Variants in ARHGEF17 observed in about 807,000 individuals in gnomAD.
ARHGEF17 encodes the protein Rho guanine nucleotide exchange factor 17.
A neutral mutation model predicts 174.0 loss-of-function variants in ARHGEF17; 80 were observed. That is an observed-to-expected ratio of 0.46 (90% CI 0.38 to 0.55). ARHGEF17 has a LOEUF of 0.55. Among genes scored for constraint, ARHGEF17 ranks in the 20% least tolerant of loss-of-function variants. The pLI is 0.00. For missense variants in ARHGEF17, 2,886 were observed against 2,839.7 expected, an observed-to-expected ratio of 1.02 and a Z score of -0.37; for synonymous variants, 1,311 against 1,189.1, an observed-to-expected ratio of 1.10 and a Z score of -2.11.
intron 1 of ARHGEF17, among the ~76,000 whole-genome samples, chr11:73,346,125 A>G (rs1565201203): frequency 6.6e-6 from 1 of 152,128 alleles, no homozygotes; most frequent in African/African-American, 2.4e-5. Flanking sequence ...TCAGGTCATC[A>G]GATCCATAGG....
In ARHGEF17 at chr11:73,308,605, CG is replaced by C. The variant is rs1326583628; in HGVS notation, c.-33del. On this transcript the variant is annotated 5_prime_UTR_variant, in exon 1 of 21. Transcript: ENST00000263674. ...GCAGGGGGGGTTGGCCGCGGCTGCC[CG>C]AGGCCAGCCCCCCCGGAGTGAGTTA... 4.3e-6 allele frequency: 6 copies of C among 1,411,128 alleles called. No homozygotes were observed. The highest frequency in any genetic ancestry group is 4.6e-6 in the Non-Finnish European group (5 of 1,087,472). 87.4% of individuals were successfully genotyped at this position (1,411,128 alleles called of 1,614,324 possible).
At chr11:73,324,163 A>C (rs905840678) in intron 1 of ARHGEF17, among the ~76,000 whole-genome samples, 3 of 152,272 alleles carry the variant, frequency 2.0e-5, no homozygotes, top group Non-Finnish European at 4.4e-5. Context: ...CAGGATACAC[A>C]GTGATTGCAG....
At position 73,361,067 on chromosome 11, in the gene ARHGEF17, G is replaced by C. The variant is rs923978540; in HGVS notation, c.4421-21G>C. ...ATGCTATGCTAAGCAGGGTCCGTCT[G>C]TCTGTCCATCTCCACTACAGCATCC... On this transcript the variant is annotated intron_variant, in intron 11 of 20. Transcript: ENST00000263674. 2.1e-5 allele frequency: 33 copies of C among 1,604,994 alleles called. No homozygotes were observed. In the Admixed American group the frequency reaches 2.2e-4, roughly 11 times the overall value.
chr11:73,358,799 A>G (rs1421828092), intron 9 of ARHGEF17, among the ~76,000 whole-genome samples: 1 of 152,010 alleles, frequency 6.6e-6, no homozygotes, highest in Admixed American at 6.6e-5. Flanking sequence ...TCAGGATTCG[A>G]TTTCAACCTG....
chr11:73,318,054 T>G (rs1223619775), intron 1 of ARHGEF17, among the ~76,000 whole-genome samples: 1 of 151,788 alleles, frequency 6.6e-6, no homozygotes, highest in Non-Finnish European at 1.5e-5. Context: ...AGGATAAACC[T>G]CCTCCCAGGG....
At chr11:73,356,126 G>A in intron 5 of ARHGEF17, 49 bp from the exon 6 acceptor site, 1 of 1,605,062 alleles carries the variant, frequency 6.2e-7, no homozygotes, top group Non-Finnish European at 8.5e-7. Flanking sequence ...GCAGTCTGGG[G>A]CCCCAGGGGT....
At chr11:73,331,140 A>G (rs1021717808) in intron 1 of ARHGEF17, among the ~76,000 whole-genome samples, 1 of 152,154 alleles carries the variant, frequency 6.6e-6, no homozygotes, top group Non-Finnish European at 1.5e-5. Context: ...CATCCCCCAG[A>G]ACCTAGTCCT....
Position 73,346,869 on chromosome 11 carries a change from T to C in ARHGEF17, c.3193-14T>C. ...AAAAAGACCCCTGTTCACCCTCTGC[T>C]CCTGTCCCCACAGGACATGCGGAAG... On this transcript the variant is annotated splice_polypyrimidine_tract_variant and intron_variant, in intron 1 of 20. Coordinates refer to ENST00000263674, the MANE Select transcript of ARHGEF17 (RefSeq NM_014786.4). The C allele has an allele frequency of 6.8e-7, 1 of 1,469,516 alleles. No individual in the cohort carries two copies. Among genetic ancestry groups the C allele is most frequent in the Non-Finnish European group, 9.0e-7 (1 of 1,106,498 alleles). 91.0% of individuals were successfully genotyped at this position (1,469,516 alleles called of 1,614,324 possible). A position where few individuals can be genotyped will look rare whatever the true frequency, so the allele number is the denominator to read the frequency against.
At chr11:73,341,935 GC>G (rs921495829) in intron 1 of ARHGEF17, among the ~76,000 whole-genome samples, 2 of 152,154 alleles carry the variant, frequency 1.3e-5, no homozygotes, top group African/African-American at 4.8e-5. Flanking sequence ...GTGCTTCAGA[GC>G]CCCCCCATCT....
intron 1 of ARHGEF17, 121 bp from the exon 2 acceptor site, chr11:73,346,762 A>C (rs1865467672): frequency 2.7e-6 from 2 of 732,886 alleles, no homozygotes; most frequent in South Asian, 5.4e-5. Flanking sequence ...GGGCGGCAGG[A>C]GGGAAGGGCC....
chr11:73,356,374 C>A (rs1431770899), intron 6 of ARHGEF17, 23 bp downstream of exon 6: 1 of 1,559,746 alleles, frequency 6.4e-7, no homozygotes, highest in Non-Finnish European at 8.6e-7. Flanking sequence ...TGCCCCACCC[C>A]ACCCTACCCC....
chr11:73,311,410 G>A lies in ARHGEF17; in HGVS notation c.2772G>A (p.Lys924=). The A allele has an allele frequency of 6.2e-7, 1 of 1,613,336 alleles. No homozygotes were observed. Among genetic ancestry groups the A allele is most frequent in the Non-Finnish European group, 8.5e-7 (1 of 1,180,042 alleles). The change falls in exon 1 of 21, where the codon AAG becomes AAA. Residue 924 remains lysine (K), a synonymous_variant. Transcript: ENST00000263674. ...GGCTAATCCGCCGAGGCTCCAAGAA[G>A]CGCCCAGCTCGGAGTAGTCACCAGG... is the stretch of plus-strand genomic sequence containing the variant. ...SPRLIRRGSK[K]RPARSSHQEL...
rs1484474924 is a variant in ARHGEF17, at chr11:73,329,354, TATATATATATATA to T, written c.3192+17525_3193-17516del. On this transcript the variant is annotated intron_variant, in intron 1 of 20. Coordinates refer to ENST00000263674, the MANE Select transcript of ARHGEF17 (RefSeq NM_014786.4). The stretch of plus-strand genomic sequence containing the variant: ...ATATATATATATATATATATATATA[TATATATATATATA>T]TATATATTTTTTTTTTTTTTTTGTA... 9.2e-4 allele frequency among the ~76,000 whole-genome samples: 38 copies of T among 41,336 alleles called. 4 individuals are homozygous for T. Among genetic ancestry groups the T allele is most frequent in the Non-Finnish European group, 1.3e-3 (31 of 24,444 alleles). 27.1% of individuals were successfully genotyped at this position (41,336 alleles called of 152,430 possible).
chr11:73,308,746 C>A lies in ARHGEF17; in HGVS notation c.108C>A (p.Pro36=). The change falls in exon 1 of 21, where the codon CCC becomes CCA. Residue 36 remains proline, a synonymous_variant. Transcript: ENST00000263674. ...PGLREEDTDT[P]GLRRRASCRP... is the part of the protein sequence containing the mutation. ...TGAGGGAGGAGGACACGGACACCCC[C>A]GGCTTGAGGCGACGCGCCTCGTGCC... 4 of 1,481,276 alleles carry A rather than the reference C, an allele frequency of 2.7e-6. No individual in the cohort carries two copies. The highest frequency in any genetic ancestry group is 1.3e-5 in the South Asian group (1 of 77,444). 91.8% of individuals were successfully genotyped at this position (1,481,276 alleles called of 1,614,324 possible).
rs573620138 is a variant in ARHGEF17, at chr11:73,359,609, C to T, written c.4088-225C>T. Among the ~76,000 whole-genome samples, 63 of 152,362 alleles carry T rather than the reference C, an allele frequency of 4.1e-4. 1 individual carries two copies. Among genetic ancestry groups the T allele is most frequent in the African/African-American group, 1.4e-3 (58 of 41,586 alleles). On this transcript the variant is annotated intron_variant, in intron 9 of 20. Coordinates refer to ENST00000263674, the MANE Select transcript of ARHGEF17 (RefSeq NM_014786.4). ...AATTCTCCGTGGGCCTGACATCCTGCGCCACATGGCTCTGAATCAGGCCTA... is the reference window on the plus strand; with the variant it reads ...AATTCTCCGTGGGCCTGACATCCTGTGCCACATGGCTCTGAATCAGGCCTA...
At position 73,363,378 on chromosome 11, in the gene ARHGEF17, G is replaced by A. The variant is rs766535996; in HGVS notation, c.5169G>A (p.Arg1723=). The A allele has an allele frequency of 6.2e-7, 1 of 1,613,154 alleles. No individual in the cohort carries two copies. Among genetic ancestry groups the A allele is most frequent in the South Asian group, 1.1e-5 (1 of 91,018 alleles). The change falls in exon 15 of 21, where the codon CGG becomes CGA. Residue 1723 remains arginine (R), a synonymous_variant. Coordinates refer to ENST00000263674, the MANE Select transcript of ARHGEF17 (RefSeq NM_014786.4). ...GCTCCAGCCACGGCTCCTTCACCCGGGGCAGCCTTGAGGACCTGCTGAGTG... is the reference window on the plus strand; with the variant it reads ...GCTCCAGCCACGGCTCCTTCACCCGAGGCAGCCTTGAGGACCTGCTGAGTG... ...LRRSSHGSFT[R]GSLEDLLSVD...
intron 20 of ARHGEF17, among the ~76,000 whole-genome samples, chr11:73,367,260 C>G (rs936543325): frequency 3.3e-5 from 5 of 152,074 alleles, no homozygotes; most frequent in Non-Finnish European, 7.4e-5. Context: ...AATGCAAGGA[C>G]GTTGCGTGCA....
At chr11:73,361,959 C>A in intron 12 of ARHGEF17, 81 bp from the exon 13 acceptor site, 1 of 1,526,062 alleles carries the variant, frequency 6.6e-7, no homozygotes, top group Non-Finnish European at 8.9e-7. Context: ...TCCCTCCATT[C>A]TGCCGGGGTT....
In ARHGEF17 at chr11:73,362,584, G is replaced by A. The variant is rs761435260; in HGVS notation, c.4846G>A (p.Gly1616Ser). 3 of 1,610,440 alleles carry A rather than the reference G, an allele frequency of 1.9e-6. No homozygotes were observed. The Admixed American group carries it at 5.0e-5, about 27-fold the overall frequency. The change falls in exon 14 of 21, where the codon GGC becomes AGC. Residue 1616 changes from glycine to serine, a missense_variant. This residue lies in a region of ARHGEF17 where 476 missense variants were observed against 473.1 expected (regional missense o/e 1.01). Coordinates refer to ENST00000263674, the MANE Select transcript of ARHGEF17 (RefSeq NM_014786.4). ...CCTTCACATCTCCATTGCAGGCTCG[G>A]GCTTGGAGATGACGCCGGGCCTCGG... The part of the protein sequence containing the change: ...PCLHISIAGS[G>S]LEMTPGLGEG...
Sources: gnomAD v4.1 joint callset for allele counts (sites outside exome capture counted in the v4.1 genomes callset) on GRCh38, gnomAD v4.1.1 for gene constraint, gnomAD v4.1.1 regional missense constraint, MANE v1.5 for transcripts, NCBI Gene and HGNC (gene_info 2026-07-23, HGNC 2026-07-21) for gene names.